DACH2: variants seen among roughly 807,000 people sequenced by gnomAD.
DACH2 encodes the protein dachshund homolog 2.
A neutral mutation model predicts 35.8 loss-of-function variants in DACH2; 17 were observed. The ratio of observed to expected loss-of-function variants is 0.48; its 90% CI spans 0.33 to 0.71. The LOEUF (loss-of-function observed/expected upper bound fraction) is 0.71. DACH2 is among the 30% of genes least tolerant of loss of function. The probability of loss-of-function intolerance (pLI) is 0.02; values close to 1 mark genes in which losing one functional copy is unlikely to be tolerated. For synonymous variants in DACH2, 195 were observed against 177.3 expected (o/e 1.10, Z -0.79); for missense variants, 469 against 472.7 (o/e 0.99, Z 0.07).
At chrX:86,537,749 C>G (rs1488379366) in intron 3 of DACH2, among the ~76,000 whole-genome samples, 1 of 111,539 alleles carries the variant, frequency 9.0e-6, no homozygotes, top group South Asian at 3.8e-4. Context: ...ACAATTTGGC[C>G]ACATTCTTTG....
chrX:86,623,230 T>C (rs2040089698), intron 3 of DACH2, among the ~76,000 whole-genome samples: 1 of 112,348 alleles, frequency 8.9e-6, no homozygotes. Context: ...AGCATACATA[T>C]GTTTGTGTAA....
intron 1 of DACH2, among the ~76,000 whole-genome samples, chrX:86,368,092 C>T (rs2035832066): frequency 9.0e-6 from 1 of 111,612 alleles, no homozygotes; most frequent in Non-Finnish European, 1.9e-5. Context: ...TCAAATTTTA[C>T]CTCCCCCATA....
At chrX:86,306,313 A>T (rs1297072184) in intron 1 of DACH2, among the ~76,000 whole-genome samples, 1 of 112,244 alleles carries the variant, frequency 8.9e-6, no homozygotes, top group Non-Finnish European at 1.9e-5. Context: ...ATAAACCTGG[A>T]GGACGTTATG....
At chrX:86,802,281 T>C (rs2042301297) in intron 7 of DACH2, among the ~76,000 whole-genome samples, 1 of 110,741 alleles carries the variant, frequency 9.0e-6, no homozygotes, top group African/African-American at 3.3e-5. Flanking sequence ...AAGCAAGGAA[T>C]GTGTATTTAA....
At chrX:86,685,009 G>A (rs1199187686) in intron 4 of DACH2, among the ~76,000 whole-genome samples, 5 of 111,449 alleles carry the variant, frequency 4.5e-5, no homozygotes, top group Admixed American at 2.9e-4. Flanking sequence ...GTATCAGTGA[G>A]GACAATGTGA....
chrX:86,451,628 A>C (rs192378840), intron 2 of DACH2, among the ~76,000 whole-genome samples: 1 of 111,841 alleles, frequency 8.9e-6, no homozygotes, highest in African/African-American at 3.2e-5. Flanking sequence ...ATAGATTTGA[A>C]TCTATAAGTT....
At chrX:86,255,916 G>T (rs763679877) in intron 1 of DACH2, among the ~76,000 whole-genome samples, 1 of 110,398 alleles carries the variant, frequency 9.1e-6, no homozygotes, top group African/African-American at 3.3e-5. Context: ...TTATAACATG[G>T]GCAGGGTTAC....
chrX:86,442,295 T>C lies in DACH2; in HGVS notation c.527+65433T>C, dbSNP rs2037177235. Among the ~76,000 whole-genome samples, 4 of 109,056 alleles carry C rather than the reference T, an allele frequency of 3.7e-5. No homozygotes were observed. In the Admixed American group the frequency reaches 4.0e-4, roughly 11 times the overall value. 94.7% of individuals were successfully genotyped at this position (109,056 alleles called of 115,157 possible). A position where few individuals can be genotyped will look rare whatever the true frequency, so the allele number is the denominator to read the frequency against. ...TTTTTTTTACCTGCCTGTTGGCCAT[T>C]CTTGTGTCTTCTTTTGAGAAATGTC... On this transcript the variant is annotated intron_variant, in intron 2 of 11. Coordinates refer to ENST00000373125, the MANE Select transcript of DACH2 (RefSeq NM_053281.3).
intron 4 of DACH2, among the ~76,000 whole-genome samples, chrX:86,690,827 A>G (rs1036648820): frequency 8.9e-6 from 1 of 111,954 alleles, no homozygotes; most frequent in African/African-American, 3.2e-5. Flanking sequence ...GGATTAAATT[A>G]GTTAGTGTTA....
At chrX:86,631,610 AACCAT>A (rs2040201927) in intron 3 of DACH2, among the ~76,000 whole-genome samples, 1 of 112,045 alleles carries the variant, frequency 8.9e-6, no homozygotes, top group African/African-American at 3.2e-5. Context: ...TAAAATATAA[AACCAT>A]ATTTCAGTGA....
chrX:86,556,333 C>A (rs1425960884), intron 3 of DACH2, among the ~76,000 whole-genome samples: 1 of 110,507 alleles, frequency 9.0e-6, no homozygotes, highest in African/African-American at 3.3e-5. Context: ...ATTTAACTCC[C>A]GTAAGAACTA....
intron 6 of DACH2, among the ~76,000 whole-genome samples, chrX:86,716,813 A>T (rs2041342242): frequency 8.9e-6 from 1 of 111,870 alleles, no homozygotes; most frequent in Non-Finnish European, 1.9e-5. Context: ...ATATTGTTTT[A>T]TTTTTTACCC....
At chrX:86,608,647 C>T (rs1340327199) in intron 3 of DACH2, among the ~76,000 whole-genome samples, 1 of 111,363 alleles carries the variant, frequency 9.0e-6, no homozygotes, top group Non-Finnish European at 1.9e-5. Context: ...GATGAAATCC[C>T]TCAGGTTTTG....
chrX:86,511,194 A>G (rs932017317), intron 2 of DACH2, among the ~76,000 whole-genome samples: 1 of 111,749 alleles, frequency 8.9e-6, no homozygotes, highest in African/African-American at 3.2e-5. Flanking sequence ...GTCCTCCACA[A>G]TCTTTCATCG....
Position 86,610,371 on chromosome X carries a change from T to TTC in DACH2, c.641-40663_641-40662dup, listed in dbSNP as rs751816124. ...CCTTCCTTCCTTCCTTCCTCTTTCTTTCTTTCTTTCTTTCTTTCTTTCTTT... is the reference window on the plus strand; with the variant it reads ...CCTTCCTTCCTTCCTTCCTCTTTCTTTCTCTTTCTTTCTTTCTTTCTTTCTTT... On this transcript the variant is annotated intron_variant, in intron 3 of 11. Transcript: ENST00000373125. Among the ~76,000 whole-genome samples the TTC allele has an allele frequency of 7.8e-3, 421 of 53,902 alleles. 4 individuals are homozygous for TTC. Among genetic ancestry groups the TTC allele is most frequent in the Middle Eastern group, 0.011 (1 of 89 alleles). 46.8% of individuals were successfully genotyped at this position (53,902 alleles called of 115,157 possible). A position where few individuals can be genotyped will look rare whatever the true frequency, so the allele number is the denominator to read the frequency against.
chrX:86,540,669 T>G (rs1426655454), intron 3 of DACH2, among the ~76,000 whole-genome samples: 1 of 111,686 alleles, frequency 9.0e-6, no homozygotes. Context: ...TTGTTTGTTT[T>G]TTTGTAGAGT....
At chrX:86,469,842 T>G (rs201943849) in intron 2 of DACH2, among the ~76,000 whole-genome samples, 3 of 103,004 alleles carry the variant, frequency 2.9e-5, no homozygotes, top group East Asian at 3.1e-4. Context: ...CTGTGTGTGT[T>G]TGTGTGTGTG....
chrX:86,656,007 C>T (rs976063708), intron 4 of DACH2, among the ~76,000 whole-genome samples: 30 of 103,145 alleles, frequency 2.9e-4, no homozygotes, highest in Admixed American at 1.2e-3. Flanking sequence ...TTGTCCAGTG[C>T]GAAGAGACCA....
At chrX:86,309,017 G>A (rs1000421358) in intron 1 of DACH2, among the ~76,000 whole-genome samples, 1 of 111,609 alleles carries the variant, frequency 9.0e-6, no homozygotes, top group African/African-American at 3.3e-5. Context: ...GACTGGTAGG[G>A]TGAGGACTAA....
Sources: allele counts gnomAD v4.1 joint callset (sites outside exome capture counted in the v4.1 genomes callset), GRCh38; gene constraint gnomAD v4.1.1; transcripts MANE v1.5; gene names NCBI Gene and HGNC (gene_info 2026-07-23, HGNC 2026-07-21).